ANOS1: variants seen among roughly 807,000 people sequenced by gnomAD.
ANOS1 encodes anosmin 1, also known as anosmin-1.
In ANOS1, 6 loss-of-function variants were observed where a neutral mutation model predicts 59.0. That is an observed-to-expected ratio of 0.10 (90% CI 0.06 to 0.20). The LOEUF is 0.20. Among genes scored for constraint, ANOS1 ranks in the 10% least tolerant of loss-of-function variants. ANOS1 has a pLI of 1.00. For synonymous variants in ANOS1, 217 were observed against 223.4 expected (o/e 0.97, Z 0.25); for missense variants, 433 against 542.3 (o/e 0.80, Z 2.00).
chrX:8,564,745 T>C (rs989068320), intron 8 of ANOS1, among the ~76,000 whole-genome samples: 3 of 110,837 alleles, frequency 2.7e-5, no homozygotes, highest in Non-Finnish European at 5.7e-5. Context: ...AGAATAGATA[T>C]GTTTATATTT....
chrX:8,587,016 T>C (rs1023579903), intron 5 of ANOS1, among the ~76,000 whole-genome samples: 21 of 109,130 alleles, frequency 1.9e-4, no homozygotes, highest in Non-Finnish European at 3.8e-4. Context: ...TAAGGTGAGA[T>C]TTTTTTTCCT....
intron 1 of ANOS1, among the ~76,000 whole-genome samples, chrX:8,713,104 G>T (rs985978776): frequency 1.8e-5 from 2 of 110,900 alleles, no homozygotes; most frequent in Non-Finnish European, 3.8e-5. Flanking sequence ...GCCAGACAGT[G>T]ACTCCAGCCC....
intron 2 of ANOS1, among the ~76,000 whole-genome samples, chrX:8,651,052 G>A (rs1182506281): frequency 2.7e-5 from 3 of 112,860 alleles, no homozygotes; most frequent in South Asian, 3.6e-4. Context: ...CAGTGTCTCC[G>A]GACGGGAGCG....
At position 8,532,962 on chromosome X, in the gene ANOS1, T is replaced by G. The variant is rs751275387; in HGVS notation, c.*33A>C. On this transcript the variant is annotated 3_prime_UTR_variant, in exon 14 of 14. Transcript: ENST00000262648. ...GGCCGAAGTTCAACAAGCTTACACA[T>G]CTGTGCAATTTCACAAAATCTTTTT... 4.2e-6 allele frequency: 4 copies of G among 944,187 alleles called. No individual in the cohort carries two copies. In the East Asian group the frequency reaches 1.2e-4, roughly 29 times the overall value. 77.8% of individuals were successfully genotyped at this position (944,187 alleles called of 1,213,427 possible).
rs74382799 is a variant in ANOS1 at position 8,725,765 on chromosome X, T to C, written c.207+6065A>G. ...AGATATATATATATACAGATATATA[T>C]ATTTGATATACTGCATAAAGAAATA... On this transcript the variant is annotated intron_variant, in intron 1 of 13. Transcript: ENST00000262648. Among the ~76,000 whole-genome samples the C allele has an allele frequency of 8.9e-3, 896 of 101,148 alleles. 83 individuals are homozygous for C. The highest frequency in any genetic ancestry group is 0.087 in the Admixed American group (704 of 8,124). The allele number at this position is 101,148 out of a possible 115,157, so 87.8% of individuals were successfully genotyped here. A position where few individuals can be genotyped will look rare whatever the true frequency, so the allele number is the denominator to read the frequency against.
intron 10 of ANOS1, among the ~76,000 whole-genome samples, chrX:8,539,026 T>C (rs151069146): frequency 0.045 from 5,091 of 111,922 alleles, 284 homozygotes; most frequent in African/African-American, 0.16. Context: ...TTATACACTG[T>C]ATAATAAAAT....
chrX:8,553,926 G>A, intron 9 of ANOS1, 26 bp downstream of exon 9: 7 of 1,184,011 alleles, frequency 5.9e-6, no homozygotes, highest in Non-Finnish European at 6.9e-6. Context: ...AAGCAAGTAA[G>A]AAATAAGTAA....
chrX:8,574,744 T>C (rs1290812173), intron 6 of ANOS1, among the ~76,000 whole-genome samples: 1 of 111,763 alleles, frequency 8.9e-6, no homozygotes, highest in Non-Finnish European at 1.9e-5. Flanking sequence ...GGACTTGGAC[T>C]GGCTTCCTTG....
chrX:8,598,631 T>C (rs780317063), intron 3 of ANOS1, among the ~76,000 whole-genome samples: 34 of 111,841 alleles, frequency 3.0e-4, no homozygotes, highest in South Asian at 1.5e-3. Context: ...AGAAGATGGC[T>C]GAAAAGATGA....
intron 3 of ANOS1, among the ~76,000 whole-genome samples, chrX:8,613,393 A>AT (rs1298613579): frequency 4.6e-5 from 5 of 108,067 alleles, no homozygotes; most frequent in African/African-American, 1.7e-4. Flanking sequence ...GATTTTTTTT[A>AT]TTTTTTATTT....
chrX:8,731,708 C>T lies in ANOS1; in HGVS notation c.207+122G>A, dbSNP rs781427162. 2.3e-4 allele frequency: 247 copies of T among 1,094,546 alleles called. No individual in the cohort carries two copies. The African/African-American group carries it at 3.8e-3, about 17-fold the overall frequency. The allele number at this position is 1,094,546 out of a possible 1,213,427, so 90.2% of individuals were successfully genotyped here. A position where few individuals can be genotyped will look rare whatever the true frequency, so the allele number is the denominator to read the frequency against. ...CTGTAAGATCCACGCCCAGGGGAAG[C>T]CAGGATCAGCCGGCGGCGCTGGCCG... On this transcript the variant is annotated intron_variant, in intron 1 of 13. Transcript: ENST00000262648.
In ANOS1 at chrX:8,533,036, G is replaced by T; in HGVS notation, c.2002C>A (p.Arg668Ser). 8.7e-7 allele frequency: 1 copy of T among 1,146,292 alleles called. No individual in the cohort carries two copies. Among genetic ancestry groups the T allele is most frequent in the Non-Finnish European group, 1.2e-6 (1 of 836,209 alleles). The allele number at this position is 1,146,292 out of a possible 1,213,427, so 94.5% of individuals were successfully genotyped here. A position where few individuals can be genotyped will look rare whatever the true frequency, so the allele number is the denominator to read the frequency against. Reference sequence around the variant, plus strand: ...GAAGGCTTGTAATGATGTGGATGACGATGCTTAAGATGAGATCCTAAAAAG... The same window carrying T: ...GAAGGCTTGTAATGATGTGGATGACTATGCTTAAGATGAGATCCTAAAAAG... ...SSAHRSHLKH[R>S]HPHHYKPSPE... is the part of the protein sequence containing the mutation. The change falls in exon 14 of 14, where the codon CGT (arginine) becomes AGT (serine). Residue 668 changes from arginine (R) to serine (S), a missense_variant. Arg to Ser is a moderately radical substitution (Grantham distance 110). Coordinates refer to ENST00000262648, the MANE Select transcript of ANOS1 (RefSeq NM_000216.4).
At chrX:8,659,584 G>GCCTGCCTT (rs1336939298) in intron 2 of ANOS1, among the ~76,000 whole-genome samples, 44 of 57,683 alleles carry the variant, frequency 7.6e-4, no homozygotes, top group African/African-American at 3.1e-3. Flanking sequence ...TTGCTTGCTT[G>GCCTGCCTT]CCTTCCTTCC....
At chrX:8,535,407 T>C in intron 12 of ANOS1, 184 bp downstream of exon 12, 2 of 461,282 alleles carry the variant, frequency 4.3e-6, no homozygotes, top group Non-Finnish European at 7.7e-6. Flanking sequence ...ATGCTACTTC[T>C]TAGCTATGCA....
intron 2 of ANOS1, among the ~76,000 whole-genome samples, chrX:8,634,255 T>C (rs1199540040): frequency 9.0e-6 from 1 of 110,796 alleles, no homozygotes; most frequent in Admixed American, 9.8e-5. Flanking sequence ...TATAAGTGTA[T>C]GTGTGTGTAT....
At position 8,530,684 on chromosome X, in the gene ANOS1, CAAAAGAAGCATG is replaced by C. The variant is rs1929483688; in HGVS notation, c.*2299_*2310del. On this transcript the variant is annotated 3_prime_UTR_variant, in exon 14 of 14. Coordinates refer to ENST00000262648, the MANE Select transcript of ANOS1 (RefSeq NM_000216.4). The stretch of plus-strand genomic sequence containing the variant: ...ATCTGTCCAATGTCTATTACCCAGA[CAAAAGAAGCATG>C]ATTAAATTTTATAAAATTAAATTTA... 1 of 109,381 alleles carries C rather than the reference CAAAAGAAGCATG, an allele frequency of 9.1e-6. No homozygotes were observed. Among genetic ancestry groups the C allele is most frequent in the Non-Finnish European group, 1.9e-5 (1 of 52,558 alleles). The allele number at this position is 109,381 out of a possible 1,213,427, so 9.0% of individuals were successfully genotyped here.
chrX:8,722,525 A>G (rs1266701501), intron 1 of ANOS1, among the ~76,000 whole-genome samples: 1 of 111,098 alleles, frequency 9.0e-6, no homozygotes, highest in African/African-American at 3.3e-5. Flanking sequence ...TGCTGCGAAT[A>G]CCATCAGTTC....
intron 3 of ANOS1, among the ~76,000 whole-genome samples, chrX:8,623,323 G>A (rs2146846447): frequency 9.0e-6 from 1 of 111,494 alleles, no homozygotes; most frequent in Non-Finnish European, 1.9e-5. Context: ...TATGATGTAA[G>A]GTGGGAGGGT....
rs1409040869 is a variant in ANOS1, at chrX:8,553,860, T to C, written c.1354+92A>G. ...CAACAACCGTTTGCCTTAGTATTGA[T>C]ACTGTGGCTTGACATTTACTTCTTC... On this transcript the variant is annotated intron_variant, in intron 9 of 13. Coordinates refer to ENST00000262648, the MANE Select transcript of ANOS1 (RefSeq NM_000216.4). 4.7e-6 allele frequency: 4 copies of C among 854,055 alleles called. No individual in the cohort carries two copies. In the Admixed American group the frequency reaches 6.9e-5, roughly 15 times the overall value. 70.4% of individuals were successfully genotyped at this position (854,055 alleles called of 1,213,427 possible). A position where few individuals can be genotyped will look rare whatever the true frequency, so the allele number is the denominator to read the frequency against.
Sources: gnomAD v4.1 joint callset for allele counts (sites outside exome capture counted in the v4.1 genomes callset) on GRCh38, gnomAD v4.1.1 for gene constraint, MANE v1.5 for transcripts, NCBI Gene and HGNC (gene_info 2026-07-23, HGNC 2026-07-21) for gene names.